TMEFF2: variants seen among roughly 807,000 people sequenced by gnomAD.
TMEFF2 encodes the protein transmembrane protein with EGF like and two follistatin like domains 2.
A neutral mutation model predicts 53.8 loss-of-function variants in TMEFF2; 28 were observed. That is an observed-to-expected ratio of 0.52 (90% confidence interval 0.39 to 0.71). The LOEUF is 0.71. Among genes scored for constraint, TMEFF2 ranks in the 30% least tolerant of loss-of-function variants. The probability of loss-of-function intolerance (pLI) is 0.00; values close to 1 mark genes in which losing one functional copy is unlikely to be tolerated. For missense variants in TMEFF2, 353 were observed against 455.2 expected, an observed-to-expected ratio of 0.78 and a Z score of 2.04; for synonymous variants, 162 against 166.3, an observed-to-expected ratio of 0.97 and a Z score of 0.20.
At chr2:192,139,961 T>C (rs1027052172) in intron 4 of TMEFF2, among the ~76,000 whole-genome samples, 8 of 152,168 alleles carry the variant, frequency 5.3e-5, no homozygotes, top group African/African-American at 1.7e-4. Flanking sequence ...TTTTCTTTTT[T>C]CAGCAACGTC....
At chr2:192,144,138 G>A (rs1455031361) in intron 4 of TMEFF2, among the ~76,000 whole-genome samples, 3 of 152,016 alleles carry the variant, frequency 2.0e-5, no homozygotes, top group Admixed American at 1.3e-4. Context: ...TCAAGTACTT[G>A]AAAGACAACA....
chr2:192,058,777 C>G (rs4853489), intron 4 of TMEFF2, among the ~76,000 whole-genome samples: 21,989 of 152,072 alleles, frequency 0.14, 1,845 homozygotes, highest in East Asian at 0.37. Context: ...ATGTTTAAAT[C>G]AAGGGAACCT....
At chr2:192,056,499 G>T (rs1021439964) in intron 5 of TMEFF2, among the ~76,000 whole-genome samples, 4 of 152,160 alleles carry the variant, frequency 2.6e-5, no homozygotes, top group African/African-American at 9.7e-5. Context: ...AACTCCCTCA[G>T]AAGTTTGAGT....
chr2:192,023,572 C>A (rs942541425), intron 5 of TMEFF2, among the ~76,000 whole-genome samples: 1 of 152,090 alleles, frequency 6.6e-6, no homozygotes, highest in African/African-American at 2.4e-5. Context: ...TAGGGGTGGG[C>A]ACTCTTTGTT....
chr2:191,975,961 A>T (rs1326933308), intron 7 of TMEFF2, among the ~76,000 whole-genome samples: 1 of 152,134 alleles, frequency 6.6e-6, no homozygotes, highest in Non-Finnish European at 1.5e-5. Flanking sequence ...AGGCATATTC[A>T]TTTCTCTCTT....
intron 4 of TMEFF2, among the ~76,000 whole-genome samples, chr2:192,091,663 C>T (rs923145758): frequency 1.3e-5 from 2 of 151,646 alleles, no homozygotes; most frequent in Non-Finnish European, 2.9e-5. Flanking sequence ...GGTTTTATTA[C>T]GTCACTTTAT....
intron 4 of TMEFF2, among the ~76,000 whole-genome samples, chr2:192,157,116 A>C (rs1253424280): frequency 6.6e-6 from 1 of 152,074 alleles, no homozygotes; most frequent in Non-Finnish European, 1.5e-5. Flanking sequence ...ATCAGTGTCA[A>C]CTTTTCCTAC....
chr2:191,961,211 TGTAA>T (rs1692262717), intron 7 of TMEFF2, among the ~76,000 whole-genome samples: 3 of 152,202 alleles, frequency 2.0e-5, no homozygotes. Context: ...ACCTTTACTA[TGTAA>T]TGTATTGCCT....
chr2:192,125,124 C>G (rs1168668734), intron 4 of TMEFF2, among the ~76,000 whole-genome samples: 1 of 152,112 alleles, frequency 6.6e-6, no homozygotes, highest in Non-Finnish European at 1.5e-5. Flanking sequence ...TTATATAGAA[C>G]AGAATTATAT....
At chr2:191,991,149 G>A (rs1322909010) in intron 7 of TMEFF2, among the ~76,000 whole-genome samples, 1 of 152,042 alleles carries the variant, frequency 6.6e-6, no homozygotes, top group Admixed American at 6.6e-5. Flanking sequence ...ACGTGTTAAT[G>A]TGCTGAAAAC....
rs60273464 is a variant in TMEFF2 at position 192,193,753 on chromosome 2, T to TAGAGAG, written c.172+599_172+600insCTCTCT. On this transcript the variant is annotated intron_variant, in intron 1 of 9. Coordinates refer to ENST00000272771, the MANE Select transcript of TMEFF2 (RefSeq NM_016192.4). ...GAAGGGAATGAGAGAGAGAGAGAGA[T>TAGAGAG]AGATAGATAGAGAGAGAGAGAGAGA... 3.0e-3 allele frequency among the ~76,000 whole-genome samples: 370 copies of TAGAGAG among 122,714 alleles called. 37 individuals are homozygous for TAGAGAG. The highest frequency in any genetic ancestry group is 4.6e-3 in the Non-Finnish European group (263 of 57,270). 80.5% of individuals were successfully genotyped at this position (122,714 alleles called of 152,430 possible). A position where few individuals can be genotyped will look rare whatever the true frequency, so the allele number is the denominator to read the frequency against.
At chr2:191,997,571 C>T (rs942008381) in intron 7 of TMEFF2, among the ~76,000 whole-genome samples, 1 of 151,304 alleles carries the variant, frequency 6.6e-6, no homozygotes. Flanking sequence ...TATTTTATCC[C>T]AAATTTCTAT....
At chr2:192,018,685 A>G (rs1438085451) in intron 5 of TMEFF2, among the ~76,000 whole-genome samples, 2 of 152,162 alleles carry the variant, frequency 1.3e-5, no homozygotes, top group Non-Finnish European at 1.5e-5. Context: ...TATTCACTTG[A>G]AATTTTGATC....
chr2:192,149,569 T>C (rs1690336459), intron 4 of TMEFF2, among the ~76,000 whole-genome samples: 1 of 151,980 alleles, frequency 6.6e-6, no homozygotes. Flanking sequence ...ATATTAGATG[T>C]ACATTTAATA....
chr2:192,193,160 A>C (rs932138539), intron 1 of TMEFF2, among the ~76,000 whole-genome samples: 2 of 152,220 alleles, frequency 1.3e-5, no homozygotes, highest in Non-Finnish European at 2.9e-5. Flanking sequence ...GCTTATATAC[A>C]TCTTTGAAAG....
chr2:192,010,766 A>G (rs1272009482), intron 5 of TMEFF2, among the ~76,000 whole-genome samples: 1 of 152,236 alleles, frequency 6.6e-6, no homozygotes, highest in Non-Finnish European at 1.5e-5. Flanking sequence ...GTATTTTGCT[A>G]TCACTGAGCA....
chr2:191,976,876 C>A (rs1485761531), intron 7 of TMEFF2, among the ~76,000 whole-genome samples: 1 of 152,134 alleles, frequency 6.6e-6, no homozygotes, highest in Non-Finnish European at 1.5e-5. Context: ...TGGTTCAAAT[C>A]CTATTTTCGT....
At chr2:192,101,338 GAAT>G (rs1244107580) in intron 4 of TMEFF2, among the ~76,000 whole-genome samples, 2 of 151,976 alleles carry the variant, frequency 1.3e-5, no homozygotes, top group Non-Finnish European at 2.9e-5. Context: ...GGCAATTGAA[GAAT>G]ATATAGCCAA....
intron 5 of TMEFF2, chr2:192,027,896 C>A (rs1450374571): frequency 6.6e-6 from 1 of 152,234 alleles, no homozygotes; most frequent in African/African-American, 2.4e-5. Flanking sequence ...CTCATGAGCG[C>A]AGGATTCTGG....
Sources: gnomAD v4.1 joint callset for allele counts (sites outside exome capture counted in the v4.1 genomes callset) on GRCh38, gnomAD v4.1.1 for gene constraint, MANE v1.5 for transcripts, NCBI Gene and HGNC (gene_info 2026-07-23, HGNC 2026-07-21) for gene names.